The following DENND1A variants were observed in gnomAD, a reference collection of about 807,000 sequenced individuals.
DENND1A encodes DENN domain containing 1A, also known as DENN domain-containing protein 1A.
Under a neutral mutation model 113.7 loss-of-function variants are expected in DENND1A, and 51 were observed. The ratio of observed to expected loss-of-function variants is 0.45; its 90% CI spans 0.36 to 0.57. The LOEUF (loss-of-function observed/expected upper bound fraction) is 0.57. DENND1A is among the 20% of genes least tolerant of loss of function. The pLI, the probability that DENND1A is intolerant of heterozygous loss-of-function variation, is 0.00. For missense variants in DENND1A, 1,258 were observed against 1,395.9 expected, an observed-to-expected ratio of 0.90 and a Z score of 1.57; for synonymous variants, 565 against 570.8, an observed-to-expected ratio of 0.99 and a Z score of 0.14.
intron 2 of DENND1A, among the ~76,000 whole-genome samples, chr9:123,851,139 C>T (rs553522200): frequency 3.3e-5 from 5 of 152,302 alleles, no homozygotes; most frequent in African/African-American, 1.2e-4. Flanking sequence ...TCAATCAACC[C>T]CAAAAGTTTC....
intron 10 of DENND1A, among the ~76,000 whole-genome samples, chr9:123,623,171 G>A (rs1247805009): frequency 6.6e-6 from 1 of 152,076 alleles, no homozygotes; most frequent in Non-Finnish European, 1.5e-5. Flanking sequence ...AACAATCTGA[G>A]GGATAAAAAG....
intron 23 of DENND1A, among the ~76,000 whole-genome samples, chr9:123,383,437 C>T (rs1227052059): frequency 6.6e-6 from 1 of 152,194 alleles, no homozygotes; most frequent in Admixed American, 6.5e-5. Context: ...GGCAAGTTTC[C>T]ATCGGGCTCT....
chr9:123,646,766 T>G (rs2062357217), intron 9 of DENND1A, among the ~76,000 whole-genome samples: 1 of 152,170 alleles, frequency 6.6e-6, no homozygotes, highest in South Asian at 2.1e-4. Flanking sequence ...TTTTGTTCAC[T>G]GCCGTAATCC....
At chr9:123,894,652 A>T (rs1850437050) in intron 1 of DENND1A, among the ~76,000 whole-genome samples, 1 of 152,248 alleles carries the variant, frequency 6.6e-6, no homozygotes, top group Admixed American at 6.5e-5. Flanking sequence ...TGTACTTTCC[A>T]TATAAAGATA....
At chr9:123,761,691 A>C (rs1394419853) in intron 4 of DENND1A, among the ~76,000 whole-genome samples, 2 of 152,302 alleles carry the variant, frequency 1.3e-5, no homozygotes, top group East Asian at 3.9e-4. Context: ...GCCCAAAACC[A>C]GTAGGCTCTA....
intron 13 of DENND1A, among the ~76,000 whole-genome samples, chr9:123,523,913 C>T (rs2054595295): frequency 6.6e-6 from 1 of 152,132 alleles, no homozygotes; most frequent in Admixed American, 6.5e-5. Context: ...GGGCAGAGGA[C>T]CTGAAACTCC....
chr9:123,434,546 A>G (rs1424970997), intron 19 of DENND1A, among the ~76,000 whole-genome samples: 1 of 152,234 alleles, frequency 6.6e-6, no homozygotes, highest in Non-Finnish European at 1.5e-5. Context: ...ATGTGCACTG[A>G]CTGCCAGCTC....
chr9:123,913,113 T>TAAAAAAAAAAAAAAAAAAAAAAAAAAAAA (rs915063969), intron 1 of DENND1A, among the ~76,000 whole-genome samples: 1 of 86,712 alleles, frequency 1.2e-5, no homozygotes. Context: ...AAAGACAGTT[T>TAAAAAAAAAAAAAAAAAAAAAAAAAAAAA]AAAAAAAAAA....
intron 8 of DENND1A, among the ~76,000 whole-genome samples, chr9:123,654,117 A>G (rs2062811767): frequency 6.6e-6 from 1 of 152,160 alleles, no homozygotes; most frequent in Non-Finnish European, 1.5e-5. Flanking sequence ...TGGTTCCTCC[A>G]CTGGACGGAG....
rs79710359 is a variant in DENND1A, at chr9:123,684,227, G to A, written c.303-7438C>T. 1.8e-4 allele frequency among the ~76,000 whole-genome samples: 27 copies of A among 152,200 alleles called. No individual in the cohort carries two copies. The East Asian group carries it at 5.2e-3, about 29-fold the overall frequency. On this transcript the variant is annotated intron_variant, in intron 5 of 23. Coordinates refer to ENST00000394215, the MANE Select transcript of DENND1A (RefSeq NM_001352964.2). ...CAAGCACACGTGAACCCTTAAAATTGTTCAAGAATCCTCTAATCTGCAGTG... is the reference window on the plus strand; with the variant it reads ...CAAGCACACGTGAACCCTTAAAATTATTCAAGAATCCTCTAATCTGCAGTG...
At chr9:123,928,292 T>C (rs1206086353) in intron 1 of DENND1A, among the ~76,000 whole-genome samples, 2 of 152,254 alleles carry the variant, frequency 1.3e-5, no homozygotes, top group Non-Finnish European at 2.9e-5. Flanking sequence ...CACTGCTTCA[T>C]GTCAGGCAAG....
At chr9:123,823,896 C>A (rs909420017) in intron 2 of DENND1A, among the ~76,000 whole-genome samples, 2 of 152,090 alleles carry the variant, frequency 1.3e-5, no homozygotes, top group African/African-American at 4.8e-5. Context: ...AAGAGGGGAA[C>A]CCTGTTGAAT....
chr9:123,433,141 G>A (rs922191867), intron 19 of DENND1A, among the ~76,000 whole-genome samples: 5 of 152,198 alleles, frequency 3.3e-5, no homozygotes, highest in African/African-American at 1.2e-4. Context: ...GTACTTAAAG[G>A]CAATATCTCA....
At chr9:123,487,522 A>G (rs2050993736) in intron 13 of DENND1A, among the ~76,000 whole-genome samples, 1 of 152,230 alleles carries the variant, frequency 6.6e-6, no homozygotes, top group Non-Finnish European at 1.5e-5. Context: ...TCTCAGACCA[A>G]TGCGCATGGC....
intron 12 of DENND1A, among the ~76,000 whole-genome samples, chr9:123,568,824 G>T (rs965561766): frequency 1.3e-5 from 2 of 152,174 alleles, no homozygotes; most frequent in African/African-American, 4.8e-5. Flanking sequence ...ACAGGAAGGG[G>T]GGTGGGAAGT....
intron 9 of DENND1A, among the ~76,000 whole-genome samples, chr9:123,645,664 G>A (rs572964312): frequency 3.3e-5 from 5 of 152,128 alleles, no homozygotes; most frequent in African/African-American, 7.2e-5. Flanking sequence ...ATGAAACTTC[G>A]AACCCAGTTA....
rs765551547 is a variant in DENND1A at position 123,676,744 on chromosome 9, C to T, written c.348G>A (p.Leu116=). The T allele has an allele frequency of 5.6e-6, 9 of 1,613,730 alleles. No individual in the cohort carries two copies. The highest frequency in any genetic ancestry group is 7.6e-6 in the Non-Finnish European group (9 of 1,179,890). ...FEVFYKLLNI[L]ADYTTKRQEN... ...CCTGTCTTTTTGTCGTGTAATCTGC[C>T]AGGATGTTAAGCAGCTTATAAAATA... Residue 116 remains leucine, a synonymous_variant, in exon 6 of 24, where the codon CTG becomes CTA. Coordinates refer to ENST00000394215, the MANE Select transcript of DENND1A (RefSeq NM_001352964.2).
At chr9:123,555,765 C>T (rs188200199) in intron 13 of DENND1A, among the ~76,000 whole-genome samples, 18 of 152,314 alleles carry the variant, frequency 1.2e-4, no homozygotes, top group Admixed American at 1.1e-3. Flanking sequence ...CCTTCCAGCA[C>T]CTTGTGCAAG....
At chr9:123,823,066 T>C (rs1477523563) in intron 2 of DENND1A, among the ~76,000 whole-genome samples, 1 of 152,238 alleles carries the variant, frequency 6.6e-6, no homozygotes, top group Non-Finnish European at 1.5e-5. Flanking sequence ...ATACTTATTG[T>C]GTACTTACTA....
Sources: allele counts gnomAD v4.1 joint callset (sites outside exome capture counted in the v4.1 genomes callset), GRCh38; gene constraint gnomAD v4.1.1; transcripts MANE v1.5; gene names NCBI Gene and HGNC (gene_info 2026-07-23, HGNC 2026-07-21).